NCOA7: variants seen among roughly 807,000 people sequenced by gnomAD.
NCOA7 encodes the protein 140 kDa estrogen receptor-associated protein.
NCOA7 carries 45 observed loss-of-function variants against 104.3 expected under a neutral mutation model. The observed-to-expected ratio is 0.43, with a 90% confidence interval of 0.34 to 0.55. NCOA7 has a LOEUF of 0.55. Ranked by LOEUF, NCOA7 falls within the 20% of genes least tolerant of loss-of-function variation. The pLI, the probability that NCOA7 is intolerant of heterozygous loss-of-function variation, is 0.02. For synonymous variants in NCOA7, 398 were observed against 402.3 expected (o/e 0.99, Z 0.13); for missense variants, 1,041 against 1,119.7 (o/e 0.93, Z 1.00).
chr6:125,903,795 T>A (rs1044839862), intron 10 of NCOA7, among the ~76,000 whole-genome samples: 3 of 150,946 alleles, frequency 2.0e-5, no homozygotes, highest in Non-Finnish European at 4.4e-5. Context: ...AACCTCCACC[T>A]CCTGGGTTCA....
chr6:125,905,429 T>C (rs1056873065), intron 10 of NCOA7, among the ~76,000 whole-genome samples: 3 of 151,990 alleles, frequency 2.0e-5, no homozygotes. Flanking sequence ...GCCCAGCTAA[T>C]TTTTGTATTT....
intron 1 of NCOA7, among the ~76,000 whole-genome samples, chr6:125,802,659 A>G (rs1320293911): frequency 6.6e-6 from 1 of 152,224 alleles, no homozygotes; most frequent in Non-Finnish European, 1.5e-5. Context: ...ACGGATGTAT[A>G]ATTATCTTAC....
intron 10 of NCOA7, among the ~76,000 whole-genome samples, chr6:125,892,919 T>C (rs1784733794): frequency 6.6e-6 from 1 of 152,228 alleles, no homozygotes; most frequent in African/African-American, 2.4e-5. Context: ...TACTGCTTCA[T>C]GTGTTTCCAT....
chr6:125,812,980 C>T (rs982049958), intron 1 of NCOA7, among the ~76,000 whole-genome samples: 3 of 152,050 alleles, frequency 2.0e-5, no homozygotes, highest in Non-Finnish European at 4.4e-5. Flanking sequence ...GTTTTGGGTG[C>T]TCCTCCCTCA....
intron 7 of NCOA7, among the ~76,000 whole-genome samples, chr6:125,882,778 G>T (rs936786933): frequency 6.6e-6 from 1 of 152,010 alleles, no homozygotes; most frequent in Non-Finnish European, 1.5e-5. Context: ...TGGATTTATT[G>T]TTTTTTTCTT....
At chr6:125,909,028 T>C (rs1186489352) in intron 10 of NCOA7, among the ~76,000 whole-genome samples, 1 of 152,226 alleles carries the variant, frequency 6.6e-6, no homozygotes, top group Non-Finnish European at 1.5e-5. Flanking sequence ...GTGTCTATGA[T>C]TGTCCAAAGA....
chr6:125,900,599 G>C (rs1314164427), intron 10 of NCOA7, among the ~76,000 whole-genome samples: 1 of 152,122 alleles, frequency 6.6e-6, no homozygotes, highest in African/African-American at 2.4e-5. Context: ...CATCACAATG[G>C]AGCTAATTAA....
At position 125,831,833 on chromosome 6, in the gene NCOA7, A is replaced by G. The variant is rs977710603; in HGVS notation, c.50+16429A>G. 5.3e-5 allele frequency among the ~76,000 whole-genome samples: 8 copies of G among 152,112 alleles called. No homozygotes were observed. In the South Asian group the frequency reaches 1.5e-3, roughly 28 times the overall value. ...TGCATATGCTGAGCTTTCACTTTCTATGCCTGTTCCTATAGACTTCTGTCA... is the reference window on the plus strand; with the variant it reads ...TGCATATGCTGAGCTTTCACTTTCTGTGCCTGTTCCTATAGACTTCTGTCA... On this transcript the variant is annotated intron_variant, in intron 2 of 15. Transcript: ENST00000392477.
At chr6:125,910,778 C>T (rs951072998) in intron 10 of NCOA7, among the ~76,000 whole-genome samples, 3 of 152,210 alleles carry the variant, frequency 2.0e-5, no homozygotes, top group African/African-American at 4.8e-5. Context: ...TAGCATTGTT[C>T]GTTATGGTAC....
chr6:125,838,611 G>T (rs1171754298), intron 2 of NCOA7, among the ~76,000 whole-genome samples: 1 of 152,088 alleles, frequency 6.6e-6, no homozygotes, highest in Non-Finnish European at 1.5e-5. Context: ...GGTGTTCTCT[G>T]GTTCTCCAAC....
chr6:125,889,742 C>T lies in NCOA7; in HGVS notation c.1688C>T (p.Ser563Phe). The T allele has an allele frequency of 1.2e-6, 2 of 1,612,734 alleles. No homozygotes were observed. Among genetic ancestry groups the T allele is most frequent in the Non-Finnish European group, 1.7e-6 (2 of 1,179,504 alleles). The change falls in exon 9 of 16, where the codon TCT becomes TTT. Residue 563 changes from serine to phenylalanine, a missense_variant. This residue lies in a region of NCOA7 where 914 missense variants were observed against 942.7 expected (regional missense o/e 0.97). Transcript: ENST00000392477. ...GGAATAGACATTACCCTTAGTAGTT[C>T]TCTTTCCCAGGCGGGTGATCCCATA... ...PGGIDITLSS[S>F]LSQAGDPITE...
intron 1 of NCOA7, among the ~76,000 whole-genome samples, chr6:125,784,779 A>C (rs149001181): frequency 1.3e-5 from 2 of 152,228 alleles, no homozygotes; most frequent in Admixed American, 1.3e-4. Context: ...TGAGGAAAAA[A>C]GCCAATCTAA....
At chr6:125,902,266 C>G (rs1006555530) in intron 10 of NCOA7, among the ~76,000 whole-genome samples, 4 of 152,154 alleles carry the variant, frequency 2.6e-5, no homozygotes, top group African/African-American at 7.2e-5. Context: ...AAGAGACTTT[C>G]TAAAAGATCT....
upstream of NCOA7, among the ~76,000 whole-genome samples, chr6:125,786,573 C>CTT (rs148199881): frequency 2.7e-4 from 33 of 121,062 alleles, no homozygotes; most frequent in African/African-American, 3.4e-4. Flanking sequence ...TAATCATTGT[C>CTT]TTTTTTTTTT....
At chr6:125,847,048 G>C (rs752110161) in intron 2 of NCOA7, among the ~76,000 whole-genome samples, 7 of 152,170 alleles carry the variant, frequency 4.6e-5, no homozygotes, top group Admixed American at 2.0e-4. Context: ...TAGTAGGAGA[G>C]AGATTTCAAA....
chr6:125,843,478 A>T (rs2128606732), intron 2 of NCOA7, among the ~76,000 whole-genome samples: 1 of 152,332 alleles, frequency 6.6e-6, no homozygotes, highest in Non-Finnish European at 1.5e-5. Flanking sequence ...CAGTCAATTT[A>T]ACTATGTTAA....
chr6:125,813,165 C>G (rs1777215885), intron 1 of NCOA7, among the ~76,000 whole-genome samples: 1 of 152,132 alleles, frequency 6.6e-6, no homozygotes, highest in Non-Finnish European at 1.5e-5. Flanking sequence ...TCTCATGGAC[C>G]AGCTCTGATG....
chr6:125,784,987 A>AACACACACACACACACAC (rs3084325), intron 1 of NCOA7, among the ~76,000 whole-genome samples: 22 of 148,410 alleles, frequency 1.5e-4, no homozygotes, highest in African/African-American at 5.5e-4. Context: ...GTTGCATATA[A>AACACACACACACACACAC]ACACACACAC....
intron 2 of NCOA7, among the ~76,000 whole-genome samples, chr6:125,815,762 C>G (rs1777532507): frequency 6.6e-6 from 1 of 152,186 alleles, no homozygotes; most frequent in South Asian, 2.1e-4. Flanking sequence ...TGGACTATAA[C>G]TGAAAATCTC....
Sources: gnomAD v4.1 joint callset for allele counts (sites outside exome capture counted in the v4.1 genomes callset) on GRCh38, gnomAD v4.1.1 for gene constraint, gnomAD v4.1.1 regional missense constraint, MANE v1.5 for transcripts, NCBI Gene and HGNC (gene_info 2026-07-23, HGNC 2026-07-21) for gene names.